The following MGAT5 variants were observed in gnomAD, a reference collection of about 807,000 sequenced individuals.
MGAT5 encodes alpha-1,6-mannosylglycoprotein 6-beta-N-acetylglucosaminyltransferase.
In MGAT5, 30 loss-of-function variants were observed where a neutral mutation model predicts 94.3. The ratio of observed to expected loss-of-function variants is 0.32; its 90% confidence interval spans 0.24 to 0.43. MGAT5 has a LOEUF of 0.43. Among genes scored for constraint, MGAT5 ranks in the 20% least tolerant of loss-of-function variants. The pLI is 1.00. For missense variants in MGAT5, 691 were observed against 905.5 expected (o/e 0.76, Z 3.04); for synonymous variants, 310 against 322.9 (o/e 0.96, Z 0.43).
intron 1 of MGAT5, among the ~76,000 whole-genome samples, chr2:134,183,868 C>T (rs1040672136): frequency 6.6e-6 from 1 of 152,230 alleles, no homozygotes; most frequent in Non-Finnish European, 1.5e-5. Context: ...GCAGGCCATG[C>T]GGGACATGAA....
chr2:134,286,778 G>C (rs985005038), intron 2 of MGAT5, among the ~76,000 whole-genome samples: 1 of 152,122 alleles, frequency 6.6e-6, no homozygotes, highest in African/African-American at 2.4e-5. Context: ...TGATACATTC[G>C]TTGCATATAA....
At position 134,425,333 on chromosome 2, in the gene MGAT5, T is replaced by C. The variant is rs906505640; in HGVS notation, c.1794+2414T>C. On this transcript the variant is annotated intron_variant, in intron 13 of 15. Coordinates refer to ENST00000281923, the MANE Select transcript of MGAT5 (RefSeq NM_002410.5). Reference sequence around the variant, plus strand: ...ATGGTAAACGTTCAGGGGTTTTTTTTCTCGTTTGTGTTTTTAGTTTTTTTT... The same window carrying C: ...ATGGTAAACGTTCAGGGGTTTTTTTCCTCGTTTGTGTTTTTAGTTTTTTTT... Among the ~76,000 whole-genome samples the C allele has an allele frequency of 2.6e-5, 4 of 152,248 alleles. No homozygotes were observed. The East Asian group carries it at 7.7e-4, about 29-fold the overall frequency.
chr2:134,325,971 G>A (rs1687616274), intron 4 of MGAT5, among the ~76,000 whole-genome samples: 1 of 151,686 alleles, frequency 6.6e-6, no homozygotes, highest in African/African-American at 2.4e-5. Context: ...TATTGTTTGT[G>A]CAAGTTATTT....
chr2:134,283,645 C>CTTTTTTTTTTTTTTTTTTTTTTTT (rs35922830), intron 2 of MGAT5, among the ~76,000 whole-genome samples: 1 of 69,088 alleles, frequency 1.4e-5, no homozygotes, highest in Non-Finnish European at 2.5e-5. Flanking sequence ...AATGTAGTAT[C>CTTTTTTTTTTTTTTTTTTTTTTTT]TTTTTTTTTT....
chr2:134,206,057 A>G (rs553136804), intron 1 of MGAT5, among the ~76,000 whole-genome samples: 2 of 152,334 alleles, frequency 1.3e-5, no homozygotes, highest in East Asian at 3.9e-4. Context: ...ACATTGCCTT[A>G]TATTTGTGAT....
chr2:134,254,706 A>G lies in MGAT5; in HGVS notation c.241+62A>G, dbSNP rs531539882. The G allele has an allele frequency of 4.4e-6, 7 of 1,592,022 alleles. No individual in the cohort carries two copies. The African/African-American group carries it at 9.4e-5, about 21-fold the overall frequency. On this transcript the variant is annotated intron_variant, in intron 1 of 15. Coordinates refer to ENST00000281923, the MANE Select transcript of MGAT5 (RefSeq NM_002410.5). ...GCCTTGGCCTTGAAATGGCCCTAGA[A>G]GCTCCCAGATATGGTCTTGTCATGG... is the stretch of plus-strand genomic sequence containing the variant.
At chr2:134,138,261 G>A (rs1288795298) in intron 1 of MGAT5, among the ~76,000 whole-genome samples, 4 of 150,614 alleles carry the variant, frequency 2.7e-5, no homozygotes, top group South Asian at 2.1e-4. Flanking sequence ...AAATTTACTC[G>A]CTAAGAGTTA....
intron 12 of MGAT5, among the ~76,000 whole-genome samples, chr2:134,421,823 A>T (rs1684311276): frequency 1.3e-5 from 2 of 152,030 alleles, no homozygotes; most frequent in South Asian, 2.1e-4. Context: ...CCTTAAAGGG[A>T]TATGAGGACA....
At chr2:134,444,880 A>G (rs554380168) in intron 15 of MGAT5, among the ~76,000 whole-genome samples, 2 of 152,264 alleles carry the variant, frequency 1.3e-5, no homozygotes, top group African/African-American at 4.8e-5. Flanking sequence ...ACCGCAGAGC[A>G]CGCATGATTC....
At chr2:134,225,670 C>G (rs1197549907) in intron 1 of MGAT5, among the ~76,000 whole-genome samples, 1 of 152,112 alleles carries the variant, frequency 6.6e-6, no homozygotes, top group East Asian at 1.9e-4. Context: ...ATAACAGTGC[C>G]TGTTGTATAC....
intron 2 of MGAT5, among the ~76,000 whole-genome samples, chr2:134,273,020 T>TGC (rs756429675): frequency 2.9e-4 from 43 of 149,604 alleles, no homozygotes; most frequent in African/African-American, 1.0e-3. Context: ...TGTGTGTGTG[T>TGC]GCGCGCGCGC....
At chr2:134,243,851 G>C (rs1307432118) in intron 1 of MGAT5, among the ~76,000 whole-genome samples, 1 of 152,200 alleles carries the variant, frequency 6.6e-6, no homozygotes, top group African/African-American at 2.4e-5. Flanking sequence ...GTGGAGGAGA[G>C]GGGTACTAGG....
chr2:134,169,624 G>A (rs1688116337), intron 1 of MGAT5, among the ~76,000 whole-genome samples: 1 of 152,174 alleles, frequency 6.6e-6, no homozygotes, highest in Non-Finnish European at 1.5e-5. Context: ...TACAGCACCT[G>A]ATGTGAAAAT....
chr2:134,213,459 A>T (rs60701131), intron 1 of MGAT5, among the ~76,000 whole-genome samples: 23,352 of 151,828 alleles, frequency 0.15, 1,860 homozygotes, highest in East Asian at 0.2. Context: ...GAATTATCCA[A>T]CTCTCCAGGT....
chr2:134,362,384 T>C lies in MGAT5; in HGVS notation c.1356T>C (p.Tyr452=). 1 of 1,614,148 alleles carries C rather than the reference T, an allele frequency of 6.2e-7. No individual in the cohort carries two copies. The highest frequency in any genetic ancestry group is 8.5e-7 in the Non-Finnish European group (1 of 1,179,994). Residue 452 remains tyrosine (Y), a synonymous_variant, in exon 10 of 16, where the codon TAT becomes TAC. Transcript: ENST00000281923. The part of the protein sequence containing the change: ...EIKRQNQSLV[Y]GKVDSFWKNK... ...AAAGGCAGAACCAGTCCCTTGTGTA[T>C]GGCAAAGTGGATAGCTTCTGGAAGG... is the stretch of plus-strand genomic sequence containing the variant.
intron 1 of MGAT5, among the ~76,000 whole-genome samples, chr2:134,188,908 C>G (rs961708533): frequency 2.6e-5 from 4 of 152,152 alleles, no homozygotes; most frequent in African/African-American, 4.8e-5. Flanking sequence ...AATCTCAGAA[C>G]TCAGGAAAGC....
At chr2:134,263,243 A>C (rs1683455689) in intron 1 of MGAT5, among the ~76,000 whole-genome samples, 1 of 152,230 alleles carries the variant, frequency 6.6e-6, no homozygotes, top group Admixed American at 6.5e-5. Context: ...GCAGCTGGCT[A>C]CATGTTAGGA....
intron 1 of MGAT5, among the ~76,000 whole-genome samples, chr2:134,190,515 CACA>C (rs928370302): frequency 6.6e-6 from 1 of 152,174 alleles, no homozygotes; most frequent in African/African-American, 2.4e-5. Flanking sequence ...CACCCAACCC[CACA>C]ACAACAAAAA....
intron 9 of MGAT5, among the ~76,000 whole-genome samples, chr2:134,354,310 G>A (rs1193418416): frequency 6.6e-6 from 1 of 152,134 alleles, no homozygotes; most frequent in African/African-American, 2.4e-5. Context: ...TGCTATACTT[G>A]AGGAACAAAG....
Sources: gnomAD v4.1 joint callset for allele counts (sites outside exome capture counted in the v4.1 genomes callset) on GRCh38, gnomAD v4.1.1 for gene constraint, MANE v1.5 for transcripts, NCBI Gene and HGNC (gene_info 2026-07-23, HGNC 2026-07-21) for gene names.